UBE2W: variants seen among roughly 807,000 people sequenced by gnomAD.
UBE2W encodes ubiquitin-conjugating enzyme E2 W.
In UBE2W, 18 loss-of-function variants were observed where a neutral mutation model predicts 27.2. The ratio of observed to expected loss-of-function variants is 0.66; its 90% confidence interval spans 0.46 to 0.98. UBE2W has a LOEUF of 0.98. Among genes scored for constraint, UBE2W ranks in the 50% least tolerant of loss-of-function variants. The probability of loss-of-function intolerance (pLI) is 0.00; values close to 1 mark genes in which losing one functional copy is unlikely to be tolerated. For missense variants in UBE2W, 90 were observed against 180.2 expected (o/e 0.50, Z 2.87); for synonymous variants, 53 against 57.2 (o/e 0.93, Z 0.33).
intron 4 of UBE2W, among the ~76,000 whole-genome samples, chr8:73,806,596 A>G (rs56848289): frequency 0.052 from 7,894 of 150,698 alleles, 677 homozygotes; most frequent in African/African-American, 0.18. Flanking sequence ...CTGTAGTCCC[A>G]GCTAACTCAG....
chr8:73,833,142 G>A (rs1008770266), intron 1 of UBE2W, among the ~76,000 whole-genome samples: 48 of 131,228 alleles, frequency 3.7e-4, no homozygotes, highest in African/African-American at 1.4e-3. Context: ...CTGAGACTGC[G>A]CCACTGCACT....
intron 3 of UBE2W, among the ~76,000 whole-genome samples, chr8:73,824,632 T>C (rs1322229556): frequency 1.3e-5 from 2 of 152,106 alleles, no homozygotes; most frequent in African/African-American, 4.8e-5. Flanking sequence ...GATTGGATGA[T>C]GGTTTTGGGA....
chr8:73,862,834 T>C (rs1158075524), intron 1 of UBE2W, among the ~76,000 whole-genome samples: 2 of 140,852 alleles, frequency 1.4e-5, no homozygotes, highest in Non-Finnish European at 3.1e-5. Flanking sequence ...AAAATGCTCA[T>C]CATCACTGGC....
chr8:73,868,988 T>C (rs550254941), intron 1 of UBE2W, among the ~76,000 whole-genome samples: 127 of 152,312 alleles, frequency 8.3e-4, no homozygotes, highest in Non-Finnish European at 1.4e-3. Context: ...AATTAATCCA[T>C]TGATGAATGA....
intron 3 of UBE2W, among the ~76,000 whole-genome samples, chr8:73,824,465 T>C (rs557287500): frequency 6.6e-6 from 1 of 152,334 alleles, no homozygotes; most frequent in South Asian, 2.1e-4. Flanking sequence ...AGAGAACTTT[T>C]CTCTTCACCA....
intron 1 of UBE2W, among the ~76,000 whole-genome samples, chr8:73,832,590 T>C (rs1270599571): frequency 1.3e-5 from 2 of 152,246 alleles, no homozygotes; most frequent in African/African-American, 4.8e-5. Context: ...GGCAGTTACC[T>C]ATACAACATC....
At position 73,793,264 on chromosome 8, in the gene UBE2W, C is replaced by T. The variant is rs1808277892; in HGVS notation, c.*838G>A. 1.0e-6 allele frequency: 1 copy of T among 985,536 alleles called. No individual in the cohort carries two copies. The highest frequency in any genetic ancestry group is 1.8e-5 in the African/African-American group (1 of 57,102). 61.0% of individuals were successfully genotyped at this position (985,536 alleles called of 1,614,324 possible). ...AAATCTTTAATGTACAAATAACAAG[C>T]CCAAATTATGGACTGCAGCAATTTA... On this transcript the variant is annotated 3_prime_UTR_variant, in exon 6 of 6. Transcript: ENST00000602593.
At chr8:73,866,143 T>C (rs1811746171) in intron 1 of UBE2W, among the ~76,000 whole-genome samples, 1 of 151,394 alleles carries the variant, frequency 6.6e-6, no homozygotes, top group African/African-American at 2.4e-5. Flanking sequence ...TGGCAGCGCG[T>C]GCCTGTAATC....
chr8:73,839,667 A>C, intron 1 of UBE2W, among the ~76,000 whole-genome samples: 1 of 150,652 alleles, frequency 6.6e-6, no homozygotes, highest in Admixed American at 6.6e-5. Context: ...AAAAAAAAAC[A>C]CAAAAAACCC....
chr8:73,801,947 GCTC>G (rs1808662945), intron 5 of UBE2W, among the ~76,000 whole-genome samples: 1 of 152,204 alleles, frequency 6.6e-6, no homozygotes, highest in Non-Finnish European at 1.5e-5. Context: ...TGGTGAAAGA[GCTC>G]CTAAGAAGAG....
At chr8:73,780,439 T>C (rs1282171848) in exon 5 of UBE2W, 1 of 446,596 alleles carries the variant, frequency 2.2e-6, no homozygotes, top group South Asian at 1.6e-5. Flanking sequence ...TTTGAGGTAC[T>C]GGGAGTTAAG....
At chr8:73,859,006 GT>G (rs1423419769) in intron 1 of UBE2W, among the ~76,000 whole-genome samples, 1 of 150,898 alleles carries the variant, frequency 6.6e-6, no homozygotes, top group African/African-American at 2.5e-5. Flanking sequence ...GTGTGTGTGT[GT>G]GTGTGTGTGT....
intron 5 of UBE2W, among the ~76,000 whole-genome samples, chr8:73,804,540 A>G (rs1426754620): frequency 6.7e-6 from 1 of 148,558 alleles, no homozygotes; most frequent in Non-Finnish European, 1.5e-5. Flanking sequence ...TACAACTACA[A>G]TCAGCAGAAT....
At chr8:73,870,967 A>G (rs1439437106) in intron 1 of UBE2W, among the ~76,000 whole-genome samples, 2 of 152,064 alleles carry the variant, frequency 1.3e-5, no homozygotes, top group East Asian at 3.9e-4. Context: ...AGAGGTTAAG[A>G]CCTCCTAGGC....
At chr8:73,847,675 G>A (rs1271183775) in intron 1 of UBE2W, among the ~76,000 whole-genome samples, 1 of 152,146 alleles carries the variant, frequency 6.6e-6, no homozygotes, top group Non-Finnish European at 1.5e-5. Flanking sequence ...GCCAAGGCAG[G>A]TGGATCACCC....
rs555884201 is a variant in UBE2W at position 73,838,276 on chromosome 8, CT to C, written c.16-7805del. Among the ~76,000 whole-genome samples the C allele has an allele frequency of 5.2e-4, 79 of 152,130 alleles. 1 individual carries two copies. In the East Asian group the frequency reaches 0.014, roughly 26 times the overall value. ...GATATGAAACCACACTAATTTATTC[CT>C]TTTTTTCCCCCCGGTAAGAAAACCA... On this transcript the variant is annotated intron_variant, in intron 1 of 5. Transcript: ENST00000602593.
Position 73,866,284 on chromosome 8 carries a change from A to T in UBE2W, c.15+12524T>A, listed in dbSNP as rs1487101380. On this transcript the variant is annotated intron_variant, in intron 1 of 5. Coordinates refer to ENST00000602593, the MANE Select transcript of UBE2W (RefSeq NM_018299.6). ...GACTTGGTCTAAAAAAAAAAAAAAA[A>T]AAAAAAATATATATATATATATATA... 3.4e-3 allele frequency among the ~76,000 whole-genome samples: 322 copies of T among 95,186 alleles called. 2 individuals carry two copies. Among genetic ancestry groups the T allele is most frequent in the African/African-American group, 0.013 (304 of 23,146 alleles). 62.4% of individuals were successfully genotyped at this position (95,186 alleles called of 152,430 possible).
At chr8:73,826,735 C>T (rs1448256255) in intron 2 of UBE2W, among the ~76,000 whole-genome samples, 1 of 152,130 alleles carries the variant, frequency 6.6e-6, no homozygotes, top group African/African-American at 2.4e-5. Flanking sequence ...TTAATCTTAA[C>T]TCATTGTGTG....
intron 1 of UBE2W, among the ~76,000 whole-genome samples, chr8:73,875,297 G>A (rs1291653674): frequency 1.3e-5 from 2 of 152,068 alleles, no homozygotes; most frequent in East Asian, 1.9e-4. Context: ...AGTTTCATGA[G>A]GTGCTGCCTG....
Sources: gnomAD v4.1 joint callset for allele counts (sites outside exome capture counted in the v4.1 genomes callset) on GRCh38, gnomAD v4.1.1 for gene constraint, MANE v1.5 for transcripts, NCBI Gene and HGNC (gene_info 2026-07-23, HGNC 2026-07-21) for gene names.